MAP4: variants seen among roughly 807,000 people sequenced by gnomAD.
The protein encoded by MAP4 is microtubule-associated protein 4.
In MAP4, 76 loss-of-function variants were observed where a neutral mutation model predicts 170.2. The observed-to-expected ratio is 0.45, with a 90% CI of 0.37 to 0.54. MAP4 has a LOEUF of 0.54. MAP4 is among the 20% of genes least tolerant of loss of function. The probability of loss-of-function intolerance (pLI) is 0.00; values close to 1 mark genes in which losing one functional copy is unlikely to be tolerated. For missense variants in MAP4, 2,506 were observed against 2,748.0 expected (o/e 0.91, Z 1.97); for synonymous variants, 909 against 994.5 (o/e 0.91, Z 1.62).
intron 1 of MAP4, among the ~76,000 whole-genome samples, chr3:48,070,479 GT>G (rs532073637): frequency 1.3e-5 from 2 of 149,136 alleles, no homozygotes; most frequent in African/African-American, 4.9e-5. Context: ...TCTGTTCTGA[GT>G]TTTTTTTAAT....
At chr3:47,875,337 G>C (rs970205965) in intron 12 of MAP4, among the ~76,000 whole-genome samples, 3 of 152,200 alleles carry the variant, frequency 2.0e-5, no homozygotes, top group Non-Finnish European at 4.4e-5. Context: ...GTAGGTAGCT[G>C]AGAGAAAGGA....
At chr3:47,898,955 A>C (rs2100028548) in intron 10 of MAP4, among the ~76,000 whole-genome samples, 1 of 152,140 alleles carries the variant, frequency 6.6e-6, no homozygotes, top group Non-Finnish European at 1.5e-5. Flanking sequence ...GACCTTGTTT[A>C]AAAACAAAAC....
chr3:48,087,745 GCACACA>G (rs1171639123), intron 1 of MAP4, among the ~76,000 whole-genome samples: 7,487 of 105,648 alleles, frequency 0.071, 328 homozygotes, highest in African/African-American at 0.15. Flanking sequence ...ACACGCACGC[GCACACA>G]CACACACACA....
intron 4 of MAP4, among the ~76,000 whole-genome samples, chr3:47,923,089 A>C (rs1284598530): frequency 6.6e-6 from 1 of 152,046 alleles, no homozygotes; most frequent in Non-Finnish European, 1.5e-5. Flanking sequence ...AGGCTAAACA[A>C]GAGTTCCACT....
chr3:48,056,642 G>A (rs1431879039), intron 1 of MAP4, among the ~76,000 whole-genome samples: 1 of 126,920 alleles, frequency 7.9e-6, no homozygotes, highest in African/African-American at 3.7e-5. Context: ...CGCCCGGCCA[G>A]CCGCCCTGTC....
intron 1 of MAP4, among the ~76,000 whole-genome samples, chr3:48,065,720 T>C (rs1049028495): frequency 2.6e-5 from 4 of 152,244 alleles, no homozygotes; most frequent in Non-Finnish European, 5.9e-5. Flanking sequence ...TGTCAAGTCA[T>C]GCAGTTTGAG....
At chr3:47,974,128 A>T (rs2100080515) in intron 3 of MAP4, 1 of 985,160 alleles carries the variant, frequency 1.0e-6, no homozygotes, top group Non-Finnish European at 1.2e-6. Context: ...CAGGGGATCT[A>T]AAACAATGTA....
chr3:47,898,428 G>A (rs1215961881), intron 10 of MAP4, among the ~76,000 whole-genome samples: 1 of 151,986 alleles, frequency 6.6e-6, no homozygotes, highest in Non-Finnish European at 1.5e-5. Flanking sequence ...CTTGAATCCG[G>A]GAGGCAGAGG....
intron 1 of MAP4, among the ~76,000 whole-genome samples, chr3:48,002,971 A>AAATAAATAAATAAATG (rs2100100088): frequency 6.7e-6 from 1 of 149,082 alleles, no homozygotes; most frequent in African/African-American, 2.5e-5. Context: ...ATAAATAAAT[A>AAATAAATAAATAAATG]AATAAATAAA....
intron 3 of MAP4, chr3:47,974,853 T>G: frequency 1.0e-6 from 1 of 964,722 alleles, no homozygotes; most frequent in Non-Finnish European, 1.2e-6. Flanking sequence ...ACTACTCAAT[T>G]TAAAAACTTA....
intron 3 of MAP4, among the ~76,000 whole-genome samples, chr3:47,963,219 G>A (rs951538652): frequency 6.6e-6 from 1 of 152,164 alleles, no homozygotes; most frequent in African/African-American, 2.4e-5. Context: ...GTAGGAAAAG[G>A]GGCTGATGGT....
At position 47,916,804 on chromosome 3, in the gene MAP4, CTCTGTT is replaced by C; in HGVS notation, c.1017_1022del (p.Thr340_Glu341del). The C allele has an allele frequency of 8.1e-6, 13 of 1,614,208 alleles. No individual in the cohort carries two copies. Among genetic ancestry groups the C allele is most frequent in the Non-Finnish European group, 1.0e-5 (12 of 1,180,046 alleles). ...GTGTCACATCCTTGGCTGGGGCTACCTCTGTTTCTGTGGGCAGTACCACATTCTTGG... is the reference window on the plus strand; with the variant it reads ...GTGTCACATCCTTGGCTGGGGCTACCTCTGTGGGCAGTACCACATTCTTGG... On this transcript the variant is annotated inframe_deletion, in exon 7 of 21. Coordinates refer to ENST00000683076, the MANE Select transcript of MAP4 (RefSeq NM_001385682.1).
chr3:47,946,514 T>C (rs1273848972), intron 3 of MAP4, among the ~76,000 whole-genome samples: 1 of 148,764 alleles, frequency 6.7e-6, no homozygotes, highest in East Asian at 2.0e-4. Flanking sequence ...ATTAGCCGGG[T>C]GTTGTGGCAC....
intron 10 of MAP4, among the ~76,000 whole-genome samples, chr3:47,899,580 T>A (rs973232628): frequency 1.3e-5 from 2 of 152,206 alleles, no homozygotes; most frequent in Non-Finnish European, 2.9e-5. Flanking sequence ...TATATGACTT[T>A]CCCAGGAGCT....
intron 10 of MAP4, among the ~76,000 whole-genome samples, chr3:47,893,813 G>T (rs810334): frequency 0.39 from 58,153 of 150,050 alleles, 12,526 homozygotes; most frequent in African/African-American, 0.59. Flanking sequence ...ATGATTTGAT[G>T]ACAGTTTTTA....
intron 3 of MAP4, among the ~76,000 whole-genome samples, chr3:47,939,972 G>A (rs919796973): frequency 2.0e-5 from 3 of 151,886 alleles, no homozygotes; most frequent in Admixed American, 2.0e-4. Context: ...CGAGTAGCTG[G>A]GATTACAGAT....
chr3:47,865,320 T>C (rs1451072998), intron 17 of MAP4, among the ~76,000 whole-genome samples: 1 of 152,220 alleles, frequency 6.6e-6, no homozygotes, highest in Admixed American at 6.5e-5. Context: ...TCTGTTTTCA[T>C]CCAGGACAAA....
chr3:47,943,558 C>T (rs558364682), intron 3 of MAP4, among the ~76,000 whole-genome samples: 1 of 149,324 alleles, frequency 6.7e-6, no homozygotes, highest in African/African-American at 2.4e-5. Flanking sequence ...GCAGTGAGCC[C>T]AGATCCCGTA....
At chr3:47,927,504 T>G (rs1023452100) in intron 4 of MAP4, among the ~76,000 whole-genome samples, 2 of 152,134 alleles carry the variant, frequency 1.3e-5, no homozygotes, top group Non-Finnish European at 2.9e-5. Context: ...AGATGGAGTT[T>G]CGCTCTTGTT....
Sources: allele counts gnomAD v4.1 joint callset (sites outside exome capture counted in the v4.1 genomes callset), GRCh38; gene constraint gnomAD v4.1.1; transcripts MANE v1.5; gene names NCBI Gene and HGNC (gene_info 2026-07-23, HGNC 2026-07-21).